The following IL13RA1 variants were observed in gnomAD, a reference collection of about 807,000 sequenced individuals.
IL13RA1 encodes the protein interleukin-13 receptor subunit alpha-1.
A neutral mutation model predicts 33.8 loss-of-function variants in IL13RA1; 14 were observed. The observed-to-expected ratio is 0.41, with a 90% CI of 0.27 to 0.65. The LOEUF (loss-of-function observed/expected upper bound fraction) is 0.65. Among genes scored for constraint, IL13RA1 ranks in the 30% least tolerant of loss-of-function variants. The probability of loss-of-function intolerance (pLI) is 0.28; values close to 1 mark genes in which losing one functional copy is unlikely to be tolerated. For missense variants in IL13RA1, 313 were observed against 327.0 expected (o/e 0.96, Z 0.33); for synonymous variants, 116 against 115.7 (o/e 1.00, Z -0.02).
chrX:118,752,260 C>T (rs775553668), intron 4 of IL13RA1, among the ~76,000 whole-genome samples: 5 of 111,382 alleles, frequency 4.5e-5, no homozygotes, highest in African/African-American at 1.6e-4. Flanking sequence ...TCTCCAGACT[C>T]GGTTGCATCT....
chrX:118,745,979 A>G (rs1266699154), intron 2 of IL13RA1, among the ~76,000 whole-genome samples: 5 of 112,138 alleles, frequency 4.5e-5, no homozygotes, highest in Non-Finnish European at 9.4e-5. Flanking sequence ...GAGAGTGTAT[A>G]TACTCAGCAC....
rs1406611761 is a variant in IL13RA1 at position 118,773,981 on chromosome X, G to T, written c.1106+6G>T. On this transcript the variant is annotated splice_donor_region_variant and intron_variant, in intron 9 of 10. Transcript: ENST00000371666. The stretch of plus-strand genomic sequence containing the variant: ...CTCCTGCTTTACCTAAAAAGGTAAG[G>T]TAGCTGCCCAGGCAGGTTTTGCAGT... The T allele has an allele frequency of 1.2e-6, 1 of 853,421 alleles. No individual in the cohort carries two copies. The highest frequency in any genetic ancestry group is 1.7e-6 in the Non-Finnish European group (1 of 571,434). 70.3% of individuals were successfully genotyped at this position (853,421 alleles called of 1,213,427 possible).
At chrX:118,766,330 C>G (rs776747488) in intron 6 of IL13RA1, among the ~76,000 whole-genome samples, 200 bp from the exon 7 acceptor site, 1 of 110,300 alleles carries the variant, frequency 9.1e-6, no homozygotes, top group Non-Finnish European at 1.9e-5. Flanking sequence ...TGAGGTAGGG[C>G]GTCAAGAATC....
chrX:118,734,316 ATC>A (rs753326579), intron 1 of IL13RA1, among the ~76,000 whole-genome samples: 7 of 111,787 alleles, frequency 6.3e-5, no homozygotes, highest in Non-Finnish European at 1.1e-4. Flanking sequence ...GATGTCTTTT[ATC>A]TCTTTTTCTT....
At chrX:118,761,833 G>T (rs2017593996) in intron 6 of IL13RA1, among the ~76,000 whole-genome samples, 1 of 111,605 alleles carries the variant, frequency 9.0e-6, no homozygotes, top group African/African-American at 3.3e-5. Context: ...GCCATGTGAA[G>T]ATCTGGGTGT....
At chrX:118,772,692 A>G (rs1204667159) in intron 8 of IL13RA1, among the ~76,000 whole-genome samples, 2 of 112,406 alleles carry the variant, frequency 1.8e-5, no homozygotes, top group Non-Finnish European at 3.8e-5. Context: ...CCTGCTTTCT[A>G]TTATAGCTAT....
the IL13RA1 span, among the ~76,000 whole-genome samples, chrX:118,804,612 C>G: frequency 8.9e-6 from 1 of 112,041 alleles, no homozygotes; most frequent in Non-Finnish European, 1.9e-5. Flanking sequence ...CAATCCTTTT[C>G]TGATATTTTA....
intron 10 of IL13RA1, among the ~76,000 whole-genome samples, chrX:118,785,382 G>A (rs932290990): frequency 1.8e-5 from 2 of 110,960 alleles, no homozygotes; most frequent in Non-Finnish European, 3.8e-5. Context: ...GGTGTGAGCC[G>A]CTGCACCCAG....
At chrX:118,729,342 C>T (rs968349891) in intron 1 of IL13RA1, among the ~76,000 whole-genome samples, 7 of 112,276 alleles carry the variant, frequency 6.2e-5, no homozygotes, top group Admixed American at 3.8e-4. Context: ...AGAAAACAAA[C>T]TTCTTTCCCC....
chrX:118,800,173 C>G, the IL13RA1 span, among the ~76,000 whole-genome samples: 1 of 111,117 alleles, frequency 9.0e-6, no homozygotes, highest in Admixed American at 9.5e-5. Context: ...CAATAAGTGC[C>G]CTGACAAAAC....
At chrX:118,751,385 C>T (rs925067531) in intron 4 of IL13RA1, among the ~76,000 whole-genome samples, 1 of 111,848 alleles carries the variant, frequency 8.9e-6, no homozygotes, top group Admixed American at 9.5e-5. Context: ...TCCTAAAGCT[C>T]AAAATATAGA....
chrX:118,753,392 A>C (rs763720196), intron 4 of IL13RA1, among the ~76,000 whole-genome samples: 1 of 112,983 alleles, frequency 8.9e-6, no homozygotes, highest in East Asian at 2.8e-4. Flanking sequence ...CTGAGAGCAG[A>C]TGGTACTTGG....
chrX:118,751,958 C>G (rs1327348501), intron 4 of IL13RA1, among the ~76,000 whole-genome samples: 1 of 108,737 alleles, frequency 9.2e-6, no homozygotes, highest in African/African-American at 3.4e-5. Flanking sequence ...CAAAGTTGCC[C>G]CAGGATTCAC....
downstream of IL13RA1, among the ~76,000 whole-genome samples, chrX:118,795,425 A>C (rs1417367456): frequency 9.0e-6 from 1 of 110,879 alleles, no homozygotes; most frequent in Admixed American, 9.6e-5. Flanking sequence ...TAGAATCCAA[A>C]CCCTAGGGAA....
intron 4 of IL13RA1, among the ~76,000 whole-genome samples, chrX:118,753,386 G>C (rs2017491610): frequency 8.9e-6 from 1 of 112,916 alleles, no homozygotes; most frequent in African/African-American, 3.2e-5. Flanking sequence ...CCAAAGCTGA[G>C]AGCAGATGGT....
chrX:118,770,671 G>A (rs978381833), intron 8 of IL13RA1: 1 of 389,655 alleles, frequency 2.6e-6, no homozygotes, highest in Non-Finnish European at 4.9e-6. Flanking sequence ...CAACTACCTG[G>A]TGCGTGCATT....
At chrX:118,743,442 T>C (rs749631430) in intron 2 of IL13RA1, among the ~76,000 whole-genome samples, 1 of 111,360 alleles carries the variant, frequency 9.0e-6, no homozygotes, top group Non-Finnish European at 1.9e-5. Context: ...AAGAAAAGAT[T>C]AGTGTAAATG....
chrX:118,756,451 A>G (rs2017531231), intron 4 of IL13RA1, among the ~76,000 whole-genome samples: 1 of 111,961 alleles, frequency 8.9e-6, no homozygotes, highest in Admixed American at 9.6e-5. Context: ...TATGGAAGAC[A>G]GTTAAAGCCA....
chrX:118,765,462 A>T (rs1044478925), intron 6 of IL13RA1, among the ~76,000 whole-genome samples: 1 of 111,316 alleles, frequency 9.0e-6, no homozygotes, highest in African/African-American at 3.3e-5. Flanking sequence ...CATTATGTTT[A>T]TGAGATTCAC....
Sources: gnomAD v4.1 joint callset for allele counts (sites outside exome capture counted in the v4.1 genomes callset) on GRCh38, gnomAD v4.1.1 for gene constraint, MANE v1.5 for transcripts, NCBI Gene and HGNC (gene_info 2026-07-23, HGNC 2026-07-21) for gene names.